The following PLCZ1 variants were observed in gnomAD, a reference collection of about 807,000 sequenced individuals.
The protein encoded by PLCZ1 is phospholipase C zeta 1, also known as 1-phosphatidylinositol 4,5-bisphosphate phosphodiesterase zeta-1.
A neutral mutation model predicts 76.8 loss-of-function variants in PLCZ1; 64 were observed. The ratio of observed to expected loss-of-function variants is 0.83; its 90% CI spans 0.68 to 1.03. The LOEUF (loss-of-function observed/expected upper bound fraction) is 1.03. Ranked by LOEUF, PLCZ1 falls within the 50% of genes least tolerant of loss-of-function variation. PLCZ1 has a pLI of 0.00. For missense variants in PLCZ1, 751 were observed against 713.7 expected, an observed-to-expected ratio of 1.05 and a Z score of -0.60; for synonymous variants, 248 against 230.8, an observed-to-expected ratio of 1.07 and a Z score of -0.68.
chr12:18,678,726 T>G (rs1288502987), downstream of PLCZ1, among the ~76,000 whole-genome samples: 1 of 152,072 alleles, frequency 6.6e-6, no homozygotes, highest in Non-Finnish European at 1.5e-5. Context: ...ATAACATCAT[T>G]TGTTGTCTAT....
chr12:18,711,055 A>C (rs1957251262), intron 6 of PLCZ1, among the ~76,000 whole-genome samples: 1 of 152,120 alleles, frequency 6.6e-6, no homozygotes, highest in Admixed American at 6.5e-5. Context: ...AAGGACTATA[A>C]ATCATGCTGC....
intron 3 of PLCZ1, among the ~76,000 whole-genome samples, chr12:18,732,837 T>C (rs545168169): frequency 6.6e-6 from 1 of 152,358 alleles, no homozygotes; most frequent in African/African-American, 2.4e-5. Flanking sequence ...TTTCATTGTA[T>C]GTACATACTA....
intron 10 of PLCZ1, among the ~76,000 whole-genome samples, chr12:18,698,170 T>A (rs1427538435): frequency 6.6e-6 from 1 of 151,964 alleles, no homozygotes; most frequent in Admixed American, 6.6e-5. Context: ...CATTTTACAA[T>A]CCAACTCACA....
chr12:18,663,314 T>C, the PLCZ1 span, among the ~76,000 whole-genome samples: 3 of 152,098 alleles, frequency 2.0e-5, no homozygotes, highest in Non-Finnish European at 2.9e-5. Flanking sequence ...ACGATCCTGT[T>C]TTTAGAAAAC....
the PLCZ1 span, among the ~76,000 whole-genome samples, chr12:18,673,832 C>G: frequency 3.9e-5 from 6 of 152,210 alleles, no homozygotes; most frequent in Admixed American, 3.9e-4. Context: ...CAGTTGCTCA[C>G]TGGCTGTTCC....
chr12:18,695,797 A>G (rs1473213142), intron 11 of PLCZ1, among the ~76,000 whole-genome samples: 4 of 152,168 alleles, frequency 2.6e-5, no homozygotes, highest in African/African-American at 4.8e-5. Flanking sequence ...AGTATAAATG[A>G]TAGAGGTCAC....
At chr12:18,711,356 G>A (rs1475927654) in intron 6 of PLCZ1, among the ~76,000 whole-genome samples, 1 of 131,642 alleles carries the variant, frequency 7.6e-6, no homozygotes, top group Non-Finnish European at 1.6e-5. Context: ...GACACAGGAA[G>A]GGGAACATCA....
At chr12:18,686,489 G>A (rs141928535) in intron 13 of PLCZ1, among the ~76,000 whole-genome samples, 1 of 151,106 alleles carries the variant, frequency 6.6e-6, no homozygotes, top group Non-Finnish European at 1.5e-5. Flanking sequence ...TTTAAATTGT[G>A]TTTTCTTCAT....
chr12:18,706,156 C>T (rs138492503), intron 6 of PLCZ1, among the ~76,000 whole-genome samples: 2,401 of 151,474 alleles, frequency 0.016, 71 homozygotes, highest in African/African-American at 0.055. Flanking sequence ...TTGCTTGAAC[C>T]GGGAGGTGGA....
intron 2 of PLCZ1, chr12:18,736,818 T>A (rs1015310479): frequency 1.9e-6 from 1 of 532,556 alleles, no homozygotes; most frequent in African/African-American, 1.9e-5. Context: ...TACTTAGTGT[T>A]CAATAAATAG....
the PLCZ1 span, among the ~76,000 whole-genome samples, chr12:18,665,733 G>C: frequency 6.6e-6 from 1 of 151,914 alleles, no homozygotes; most frequent in Non-Finnish European, 1.5e-5. Context: ...TCAGGAGATC[G>C]AGACCATCCT....
At chr12:18,729,213 A>T (rs546103705) in intron 3 of PLCZ1, among the ~76,000 whole-genome samples, 1 of 151,874 alleles carries the variant, frequency 6.6e-6, no homozygotes, top group Non-Finnish European at 1.5e-5. Context: ...CCTTTCATGC[A>T]TCCTGTACTC....
chr12:18,709,814 G>A (rs897549082), intron 6 of PLCZ1, among the ~76,000 whole-genome samples: 12 of 151,934 alleles, frequency 7.9e-5, no homozygotes, highest in South Asian at 4.1e-4. Flanking sequence ...ATCTTTTCAC[G>A]TATTTGTGTC....
At chr12:18,696,322 C>CTCTATATATATATATATATATA (rs1772612270) in intron 10 of PLCZ1, 56 bp from the exon 11 acceptor site, 1 of 253,072 alleles carries the variant, frequency 4.0e-6, no homozygotes, top group Non-Finnish European at 6.8e-6. Context: ...TAAAAAGCCA[C>CTCTATATATATATATATATATA]TATATATATA....
chr12:18,650,720 A>ATC, the PLCZ1 span, among the ~76,000 whole-genome samples: 36 of 10,586 alleles, frequency 3.4e-3, no homozygotes, highest in East Asian at 0.013. Flanking sequence ...ATCTATATAT[A>ATC]TATATATATA....
intron 12 of PLCZ1, among the ~76,000 whole-genome samples, chr12:18,691,947 TC>T (rs921978408): frequency 1.3e-5 from 2 of 152,176 alleles, no homozygotes; most frequent in Non-Finnish European, 2.9e-5. Context: ...AAAACAGCTC[TC>T]AATCCTCCCA....
the PLCZ1 span, among the ~76,000 whole-genome samples, chr12:18,659,274 A>G: frequency 8.5e-5 from 13 of 152,322 alleles, no homozygotes; most frequent in East Asian, 3.9e-4. Flanking sequence ...GCAAAGAGAT[A>G]AATACTATCA....
intron 11 of PLCZ1, among the ~76,000 whole-genome samples, chr12:18,695,515 C>T (rs983042951): frequency 9.2e-5 from 14 of 152,046 alleles, no homozygotes; most frequent in African/African-American, 2.9e-4. Context: ...CAATAATTGT[C>T]GTTACAATAT....
At chr12:18,657,562 T>A in the PLCZ1 span, among the ~76,000 whole-genome samples, 2 of 152,070 alleles carry the variant, frequency 1.3e-5, no homozygotes, top group African/African-American at 4.8e-5. Context: ...TTTAAAGAAA[T>A]CTCTGTAAAA....
Sources: gnomAD v4.1 joint callset for allele counts (sites outside exome capture counted in the v4.1 genomes callset) on GRCh38, gnomAD v4.1.1 for gene constraint, MANE v1.5 for transcripts, NCBI Gene and HGNC (gene_info 2026-07-23, HGNC 2026-07-21) for gene names.